TMEM117: variants seen among roughly 807,000 people sequenced by gnomAD.
TMEM117 encodes the protein transmembrane protein 117.
In TMEM117, 27 loss-of-function variants were observed where a neutral mutation model predicts 52.4. The observed-to-expected ratio is 0.51, with a 90% CI of 0.38 to 0.71. TMEM117 has a LOEUF of 0.71. Among genes scored for constraint, TMEM117 ranks in the 30% least tolerant of loss-of-function variants. TMEM117 has a pLI of 0.00. For synonymous variants in TMEM117, 215 were observed against 206.3 expected, an observed-to-expected ratio of 1.04 and a Z score of -0.36; for missense variants, 556 against 630.5, an observed-to-expected ratio of 0.88 and a Z score of 1.26.
In TMEM117 at chr12:43,946,378, G is replaced by GTTTTTTTTTTTTTTTTTTTTTT. The variant is rs1244597058; in HGVS notation, c.410+2052_410+2053insTTTTTTTTTTTTTTTTTTTTTT. Among the ~76,000 whole-genome samples the GTTTTTTTTTTTTTTTTTTTTTT allele has an allele frequency of 4.4e-5, 5 of 113,492 alleles. 1 individual carries two copies. The highest frequency in any genetic ancestry group is 1.2e-4 in the African/African-American group (3 of 25,520). 74.5% of individuals were successfully genotyped at this position (113,492 alleles called of 152,430 possible). ...AGAAGCTGACTTTTGATATAATTCT[G>GTTTTTTTTTTTTTTTTTTTTTT]TTTTTTTTTTTTTTTTGTTTGTTTT... On this transcript the variant is annotated intron_variant, in intron 3 of 7. Transcript: ENST00000266534.
chr12:44,125,644 T>C (rs1398356105), intron 3 of TMEM117, among the ~76,000 whole-genome samples: 1 of 152,170 alleles, frequency 6.6e-6, no homozygotes, highest in Admixed American at 6.5e-5. Context: ...CTATCTGTTT[T>C]ATTAAGTTTT....
At chr12:44,303,693 A>G (rs1950870438) in intron 6 of TMEM117, among the ~76,000 whole-genome samples, 1 of 152,166 alleles carries the variant, frequency 6.6e-6, no homozygotes. Context: ...ATTTGTAATT[A>G]TGTCATTTGA....
chr12:43,903,380 A>G (rs932220036), intron 2 of TMEM117, among the ~76,000 whole-genome samples: 1 of 152,256 alleles, frequency 6.6e-6, no homozygotes, highest in Admixed American at 6.5e-5. Context: ...TATTGAATAT[A>G]GAATAAAGAA....
At chr12:43,826,960 T>A in the TMEM117 span, among the ~76,000 whole-genome samples, 1 of 151,940 alleles carries the variant, frequency 6.6e-6, no homozygotes, top group Non-Finnish European at 1.5e-5. Context: ...ATGACCAAAA[T>A]ACCCTTTTGA....
At position 44,353,578 on chromosome 12, in the gene TMEM117, G is replaced by C. The variant is rs1298667066; in HGVS notation, c.769-23017G>C. Among the ~76,000 whole-genome samples the C allele has an allele frequency of 5.6e-4, 85 of 151,900 alleles. 1 individual carries two copies. Among genetic ancestry groups the C allele is most frequent in the South Asian group, 1.7e-3 (8 of 4,804 alleles). Reference sequence around the variant, plus strand: ...AATCCTTTCCCCATTGCTTGTTTTTGTCAGGTTTGTCAAAGATCAGATAGT... The same window carrying C: ...AATCCTTTCCCCATTGCTTGTTTTTCTCAGGTTTGTCAAAGATCAGATAGT... On this transcript the variant is annotated intron_variant, in intron 6 of 7. Coordinates refer to ENST00000266534, the MANE Select transcript of TMEM117 (RefSeq NM_032256.3).
chr12:44,125,309 G>A (rs1022349911), intron 3 of TMEM117, among the ~76,000 whole-genome samples: 1 of 151,908 alleles, frequency 6.6e-6, no homozygotes, highest in Admixed American at 6.6e-5. Flanking sequence ...GGGTTTCACC[G>A]TGTTAGCCAG....
chr12:43,924,065 A>G (rs1348417464), intron 2 of TMEM117, among the ~76,000 whole-genome samples: 1 of 152,226 alleles, frequency 6.6e-6, no homozygotes, highest in African/African-American at 2.4e-5. Flanking sequence ...AAATAAAATA[A>G]TGAATTCTGT....
At chr12:43,968,594 G>C (rs773673918) in intron 3 of TMEM117, among the ~76,000 whole-genome samples, 3 of 152,044 alleles carry the variant, frequency 2.0e-5, no homozygotes, top group Admixed American at 2.0e-4. Flanking sequence ...TAAGTTATTT[G>C]TTCCAAAAAG....
chr12:43,884,439 G>T (rs1465822257), intron 2 of TMEM117, among the ~76,000 whole-genome samples: 2 of 152,036 alleles, frequency 1.3e-5, no homozygotes, highest in African/African-American at 4.8e-5. Context: ...ATTTGTTTTA[G>T]TGATAACTTC....
At chr12:43,911,918 C>G (rs1482134733) in intron 2 of TMEM117, among the ~76,000 whole-genome samples, 3 of 142,762 alleles carry the variant, frequency 2.1e-5, no homozygotes, top group Non-Finnish European at 4.6e-5. Context: ...ACTAGTTCAA[C>G]CATTGTGGAA....
At chr12:43,899,599 C>G (rs1284108275) in intron 2 of TMEM117, among the ~76,000 whole-genome samples, 1 of 150,168 alleles carries the variant, frequency 6.7e-6, no homozygotes. Flanking sequence ...AACAGAAGAT[C>G]TTTGAAATTC....
chr12:44,015,230 T>C (rs1397606051), intron 3 of TMEM117, among the ~76,000 whole-genome samples: 1 of 152,094 alleles, frequency 6.6e-6, no homozygotes, highest in Non-Finnish European at 1.5e-5. Flanking sequence ...AAATTTAAAT[T>C]AGAAGTCTTA....
intron 1 of TMEM117, among the ~76,000 whole-genome samples, chr12:43,842,873 G>C (rs1429857542): frequency 6.6e-6 from 1 of 152,090 alleles, no homozygotes; most frequent in Non-Finnish European, 1.5e-5. Context: ...CTGGGACCTG[G>C]GCCTGCTCTC....
intron 6 of TMEM117, among the ~76,000 whole-genome samples, chr12:44,308,739 GCTTC>G (rs1253442497): frequency 7.9e-5 from 12 of 151,772 alleles, no homozygotes; most frequent in Admixed American, 6.6e-4. Context: ...CCTGCTTCAG[GCTTC>G]CCAGTAGCTG....
At chr12:44,219,045 A>T (rs2138420298) in intron 5 of TMEM117, among the ~76,000 whole-genome samples, 1 of 152,292 alleles carries the variant, frequency 6.6e-6, no homozygotes, top group African/African-American at 2.4e-5. Flanking sequence ...ATTTTCAACA[A>T]ATGTATTTAC....
intron 5 of TMEM117, among the ~76,000 whole-genome samples, chr12:44,286,733 T>G (rs1267073234): frequency 6.6e-6 from 1 of 152,192 alleles, no homozygotes; most frequent in East Asian, 1.9e-4. Context: ...CTGGATTTAT[T>G]TACATGTGCT....
At position 44,264,924 on chromosome 12, in the gene TMEM117, A is replaced by C. The variant is rs573021993; in HGVS notation, c.609-34656A>C. ...CAACAACCTTATGAATTATGTACAGATATTATAATTTGCCCCAAAAGTGAC... is the reference window on the plus strand; with the variant it reads ...CAACAACCTTATGAATTATGTACAGCTATTATAATTTGCCCCAAAAGTGAC... On this transcript the variant is annotated intron_variant, in intron 5 of 7. Coordinates refer to ENST00000266534, the MANE Select transcript of TMEM117 (RefSeq NM_032256.3). 1.2e-3 allele frequency among the ~76,000 whole-genome samples: 182 copies of C among 152,318 alleles called. 1 individual carries two copies. Among genetic ancestry groups the C allele is most frequent in the African/African-American group, 4.3e-3 (179 of 41,588 alleles).
intron 3 of TMEM117, among the ~76,000 whole-genome samples, chr12:43,995,127 C>T (rs1336618663): frequency 2.0e-5 from 3 of 151,642 alleles, no homozygotes; most frequent in Admixed American, 6.6e-5. Context: ...TACAATTAGT[C>T]GGGTGTGGTG....
At chr12:43,848,722 C>T (rs537958298) in intron 2 of TMEM117, among the ~76,000 whole-genome samples, 6 of 152,118 alleles carry the variant, frequency 3.9e-5, no homozygotes, top group African/African-American at 7.2e-5. Flanking sequence ...CCTCAGCTTA[C>T]GAAGATAACA....
Sources: allele counts gnomAD v4.1 joint callset (sites outside exome capture counted in the v4.1 genomes callset), GRCh38; gene constraint gnomAD v4.1.1; transcripts MANE v1.5; gene names NCBI Gene and HGNC (gene_info 2026-07-23, HGNC 2026-07-21).